COL4A2: variants seen among roughly 807,000 people sequenced by gnomAD.
COL4A2 encodes the protein collagen alpha-2(IV) chain.
In COL4A2, 99 loss-of-function variants were observed where a neutral mutation model predicts 200.2. The ratio of observed to expected loss-of-function variants is 0.49; its 90% confidence interval spans 0.42 to 0.58. The LOEUF is 0.58. Ranked by LOEUF, COL4A2 falls within the 20% of genes least tolerant of loss-of-function variation. The probability of loss-of-function intolerance (pLI) is 0.00; values close to 1 mark genes in which losing one functional copy is unlikely to be tolerated. For missense variants in COL4A2, 1,950 were observed against 2,314.1 expected (o/e 0.84, Z 3.23); for synonymous variants, 897 against 900.6 (o/e 1.00, Z 0.07).
chr13:110,469,318 C>T lies in COL4A2; in HGVS notation c.2197C>T (p.Pro733Ser), dbSNP rs1476316700. The T allele has an allele frequency of 2.5e-6, 4 of 1,579,752 alleles. No individual in the cohort carries two copies. The highest frequency in any genetic ancestry group is 3.4e-6 in the Non-Finnish European group (4 of 1,162,646). ...GDAGREGFPG[P>S]PGFIGPRGSK... ...CGCAGGTCGTGAAGGGTTCCCAGGA[C>T]CCCCAGGTGAGTTGAGATCAGACCC... The change falls in exon 28 of 48, where the codon CCC (proline) becomes TCC (serine). Residue 733 changes from proline (P) to serine (S), a missense_variant. Physicochemically the swap from Pro to Ser is moderately conservative, Grantham distance 74. Transcript: ENST00000360467.
At chr13:110,438,281 A>G (rs1594213888) in intron 14 of COL4A2, among the ~76,000 whole-genome samples, 1 of 152,264 alleles carries the variant, frequency 6.6e-6, no homozygotes, top group East Asian at 1.9e-4. Context: ...GGAAGGGAGC[A>G]TGGAGATGGC....
intron 4 of COL4A2, among the ~76,000 whole-genome samples, chr13:110,411,027 GCC>G (rs1879810643): frequency 1.3e-5 from 2 of 152,126 alleles, no homozygotes; most frequent in Non-Finnish European, 2.9e-5. Context: ...ATGCTCTTAA[GCC>G]CTCACTCACG....
rs1883877497 is a variant in COL4A2, at chr13:110,506,396, T to A, written c.4403-19T>A. The A allele has an allele frequency of 6.3e-7, 1 of 1,598,426 alleles. No homozygotes were observed. Among genetic ancestry groups the A allele is most frequent in the Non-Finnish European group, 8.5e-7 (1 of 1,173,082 alleles). On this transcript the variant is annotated intron_variant, in intron 45 of 47. Coordinates refer to ENST00000360467, the MANE Select transcript of COL4A2 (RefSeq NM_001846.4). ...CAGGTGCACCAGGCCGTCCACTCTC[T>A]CTCTTTCTCGGGCTGCAGGTGCACC...
chr13:110,313,064 T>A (rs1194138137), intron 3 of COL4A2, among the ~76,000 whole-genome samples: 2 of 152,170 alleles, frequency 1.3e-5, no homozygotes, highest in African/African-American at 4.8e-5. Flanking sequence ...CTATCCAGCC[T>A]GCACCAGGAT....
intron 17 of COL4A2, 60 bp downstream of exon 17, chr13:110,445,942 A>C (rs537733095): frequency 6.3e-7 from 1 of 1,587,416 alleles, no homozygotes; most frequent in East Asian, 2.2e-5. Context: ...GGCTGGCCTT[A>C]CTCCCCTCTT....
At chr13:110,417,993 G>A (rs1486901043) in intron 4 of COL4A2, among the ~76,000 whole-genome samples, 1 of 152,006 alleles carries the variant, frequency 6.6e-6, no homozygotes, top group Non-Finnish European at 1.5e-5. Context: ...GCACCCTTTT[G>A]CGTTCCTGCC....
In COL4A2 at chr13:110,508,231, A is replaced by C; in HGVS notation, c.4881+10A>C. On this transcript the variant is annotated intron_variant, in intron 47 of 47. Transcript: ENST00000360467. The surrounding 1 kb of genome is among the most constrained non-coding windows in gnomAD (Gnocchi z 6.1). ...ATATTCCTTCCTCATGGTATGTGGT[A>C]TTTGCCCAGTTCCCCTCCCCAACCA... 1 of 1,611,594 alleles carries C rather than the reference A, an allele frequency of 6.2e-7. No homozygotes were observed. Among genetic ancestry groups the C allele is most frequent in the African/African-American group, 1.3e-5 (1 of 75,024 alleles).
chr13:110,326,224 A>G (rs1436506344), intron 3 of COL4A2, among the ~76,000 whole-genome samples: 1 of 152,136 alleles, frequency 6.6e-6, no homozygotes, highest in Non-Finnish European at 1.5e-5. Context: ...GAATTTTTTT[A>G]TTGGAAAATG....
chr13:110,328,698 T>C (rs950669279), intron 3 of COL4A2: 1 of 152,182 alleles, frequency 6.6e-6, no homozygotes, highest in Non-Finnish European at 1.5e-5. Context: ...GTGAAGGTGA[T>C]CCAGGGGCCC....
At position 110,387,051 on chromosome 13, in the gene COL4A2, A is replaced by G. The variant is rs56349009; in HGVS notation, c.180+29499A>G. On this transcript the variant is annotated intron_variant, in intron 4 of 47. Transcript: ENST00000360467. ...TCAGGAGTTCAAGACCAGCCTGGCC[A>G]ACATGGTGAAACCCCGTCTCTACTA... Among the ~76,000 whole-genome samples, 1,047 of 152,320 alleles carry G rather than the reference A, an allele frequency of 6.9e-3. 4 individuals are homozygous for G. The highest frequency in any genetic ancestry group is 0.011 in the Non-Finnish European group (775 of 68,024).
At chr13:110,455,825 G>C in intron 20 of COL4A2, among the ~76,000 whole-genome samples, 1 of 152,202 alleles carries the variant, frequency 6.6e-6, no homozygotes. Context: ...GTTCTTTAAA[G>C]TTGGAGTTTT....
chr13:110,373,895 T>C (rs557271908), intron 4 of COL4A2, among the ~76,000 whole-genome samples: 1 of 152,232 alleles, frequency 6.6e-6, no homozygotes, highest in Non-Finnish European at 1.5e-5. Flanking sequence ...TACCCCCTTT[T>C]GGATGCTAAG....
rs1420480043 is a variant in COL4A2, at chr13:110,331,329, T to C, written c.99+23206T>C. Among the ~76,000 whole-genome samples the C allele has an allele frequency of 2.6e-5, 4 of 152,254 alleles. No homozygotes were observed. The East Asian group carries it at 7.7e-4, about 29-fold the overall frequency. On this transcript the variant is annotated intron_variant, in intron 3 of 47. Transcript: ENST00000360467. ...CCCCAAATCTCCATAATAATTTTTC[T>C]GCAGTAGTTTTCCTTTTACTCATCT...
At chr13:110,322,855 C>T (rs1442589781) in intron 3 of COL4A2, among the ~76,000 whole-genome samples, 6 of 152,226 alleles carry the variant, frequency 3.9e-5, no homozygotes, top group African/African-American at 1.4e-4. Flanking sequence ...AACTCTTCCA[C>T]GGGGACCCTA....
At chr13:110,413,962 C>G (rs1193035450) in intron 4 of COL4A2, among the ~76,000 whole-genome samples, 1 of 152,210 alleles carries the variant, frequency 6.6e-6, no homozygotes, top group East Asian at 1.9e-4. Context: ...ATTAGACACA[C>G]TCCATGGCTC....
At chr13:110,336,792 T>A (rs1308149538) in intron 3 of COL4A2, among the ~76,000 whole-genome samples, 2 of 152,222 alleles carry the variant, frequency 1.3e-5, no homozygotes, top group Non-Finnish European at 1.5e-5. Flanking sequence ...AAGCTTTCGT[T>A]GATCAGCTTC....
intron 24 of COL4A2, among the ~76,000 whole-genome samples, chr13:110,464,604 G>T (rs1000288160): frequency 6.6e-6 from 1 of 152,124 alleles, no homozygotes; most frequent in African/African-American, 2.4e-5. Context: ...TCCCTGCCCC[G>T]CTCCGTCATG....
At chr13:110,380,072 G>A (rs145907819) in intron 4 of COL4A2, among the ~76,000 whole-genome samples, 30 of 152,280 alleles carry the variant, frequency 2.0e-4, no homozygotes, top group African/African-American at 6.7e-4. Flanking sequence ...CACTCAAACC[G>A]TCCCCACACC....
chr13:110,503,530 TC>T, intron 43 of COL4A2, 49 bp downstream of exon 43: 1 of 1,181,774 alleles, frequency 8.5e-7, no homozygotes, highest in South Asian at 1.4e-5. Context: ...GCCCAGCCTC[TC>T]CAGGCTTGGG....
Sources: gnomAD v4.1 joint callset for allele counts (sites outside exome capture counted in the v4.1 genomes callset) on GRCh38, gnomAD v4.1.1 for gene constraint, Gnocchi (gnomAD v3.1) non-coding constraint, MANE v1.5 for transcripts, NCBI Gene and HGNC (gene_info 2026-07-23, HGNC 2026-07-21) for gene names.